Variants in FBXL17 observed in about 807,000 individuals in gnomAD.
FBXL17 encodes F-box and leucine rich repeat protein 17, also known as F-box/LRR-repeat protein 17.
Under a neutral mutation model 66.2 loss-of-function variants are expected in FBXL17, and 22 were observed. That is an observed-to-expected ratio of 0.33 (90% CI 0.24 to 0.47). FBXL17 has a LOEUF of 0.47. FBXL17 is among the 20% of genes least tolerant of loss of function. The pLI is 1.00. For missense variants in FBXL17, 878 were observed against 948.2 expected (o/e 0.93, Z 0.97); for synonymous variants, 474 against 400.5 (o/e 1.18, Z -2.19).
intron 7 of FBXL17, among the ~76,000 whole-genome samples, chr5:107,961,417 A>G (rs1221332489): frequency 6.6e-6 from 1 of 151,946 alleles, no homozygotes; most frequent in African/African-American, 2.4e-5. Context: ...TGGTAGGGAC[A>G]GGGTTTCGCC....
intron 3 of FBXL17, among the ~76,000 whole-genome samples, chr5:108,354,128 T>C (rs1387434830): frequency 1.3e-5 from 2 of 152,208 alleles, no homozygotes; most frequent in Non-Finnish European, 2.9e-5. Context: ...TTTTGGAACT[T>C]TGAATTAGGG....
At chr5:108,008,029 G>T (rs1173629938) in intron 7 of FBXL17, among the ~76,000 whole-genome samples, 2 of 152,182 alleles carry the variant, frequency 1.3e-5, no homozygotes, top group African/African-American at 4.8e-5. Flanking sequence ...GAACGTGACA[G>T]AAATGTGGGG....
intron 6 of FBXL17, among the ~76,000 whole-genome samples, chr5:108,067,759 T>C (rs1298401689): frequency 6.6e-6 from 1 of 152,246 alleles, no homozygotes; most frequent in South Asian, 2.1e-4. Context: ...TTCCCTATTG[T>C]ACTGTGCATA....
At chr5:107,946,346 G>A (rs1161872393) in intron 7 of FBXL17, among the ~76,000 whole-genome samples, 2 of 128,512 alleles carry the variant, frequency 1.6e-5, no homozygotes, top group South Asian at 2.5e-4. Context: ...CCAGGCTGAA[G>A]TGCAGTGACA....
At chr5:108,170,319 G>A (rs184316234) in intron 6 of FBXL17, among the ~76,000 whole-genome samples, 39 of 152,202 alleles carry the variant, frequency 2.6e-4, no homozygotes, top group African/African-American at 7.0e-4. Flanking sequence ...AGGCAGGTCT[G>A]ATTAGTGTGT....
chr5:108,070,662 T>C (rs1003099775), intron 6 of FBXL17, among the ~76,000 whole-genome samples: 2 of 152,188 alleles, frequency 1.3e-5, no homozygotes, highest in African/African-American at 4.8e-5. Flanking sequence ...AACATAGATA[T>C]AAAGATATCC....
chr5:108,367,106 G>A (rs1452529015), intron 2 of FBXL17, among the ~76,000 whole-genome samples: 1 of 151,876 alleles, frequency 6.6e-6, no homozygotes, highest in Non-Finnish European at 1.5e-5. Context: ...AATACACCAT[G>A]GCAGAATTTA....
chr5:108,311,941 T>C (rs764789945), intron 4 of FBXL17, among the ~76,000 whole-genome samples: 1 of 152,186 alleles, frequency 6.6e-6, no homozygotes, highest in African/African-American at 2.4e-5. Context: ...CAAACTATTA[T>C]AGAAAACCTA....
intron 6 of FBXL17, among the ~76,000 whole-genome samples, chr5:108,138,797 C>G (rs1163551418): frequency 1.3e-5 from 2 of 152,022 alleles, no homozygotes; most frequent in African/African-American, 2.4e-5. Context: ...TAAAAAGAAC[C>G]ATGAAATTCT....
intron 3 of FBXL17, among the ~76,000 whole-genome samples, chr5:108,354,710 T>G (rs564554177): frequency 5.9e-4 from 84 of 141,616 alleles, no homozygotes; most frequent in Non-Finnish European, 8.9e-4. Context: ...ATTTTCAAAC[T>G]GCAAAAAATC....
In FBXL17 at chr5:108,225,564, C is replaced by A. The variant is rs1018913243; in HGVS notation, c.1507-1336G>T. On this transcript the variant is annotated intron_variant, in intron 4 of 8. Coordinates refer to ENST00000542267, the MANE Select transcript of FBXL17 (RefSeq NM_001163315.3). ...CACACCAGATTGCCAAAAAGAGTGCCAGAAGTTAGGCAAGAGGCCTGGAAC... is the reference window on the plus strand; with the variant it reads ...CACACCAGATTGCCAAAAAGAGTGCAAGAAGTTAGGCAAGAGGCCTGGAAC... Among the ~76,000 whole-genome samples the A allele has an allele frequency of 2.0e-5, 3 of 152,244 alleles. No homozygotes were observed. The East Asian group carries it at 5.8e-4, about 29-fold the overall frequency.
chr5:107,868,784 T>G (rs10040850), intron 8 of FBXL17, among the ~76,000 whole-genome samples: 1 of 152,142 alleles, frequency 6.6e-6, no homozygotes, highest in South Asian at 2.1e-4. Flanking sequence ...CCAAATGAAG[T>G]GATATTTCAG....
At chr5:107,942,646 G>C (rs1037505210) in intron 7 of FBXL17, among the ~76,000 whole-genome samples, 1 of 151,946 alleles carries the variant, frequency 6.6e-6, no homozygotes, top group African/African-American at 2.4e-5. Context: ...CTTCACCTGT[G>C]CTTCCAGTGC....
chr5:108,054,331 T>A (rs1156690207), intron 6 of FBXL17, among the ~76,000 whole-genome samples: 3 of 151,934 alleles, frequency 2.0e-5, no homozygotes, highest in East Asian at 3.9e-4. Context: ...CAGTTATGGG[T>A]TTTTTTAGCA....
chr5:108,206,243 T>A (rs1031830795), intron 5 of FBXL17, among the ~76,000 whole-genome samples: 11 of 152,218 alleles, frequency 7.2e-5, no homozygotes, highest in Admixed American at 7.2e-4. Context: ...ATGTGTTTAC[T>A]TTTTTGTAAT....
chr5:108,081,796 G>C (rs117043900), intron 6 of FBXL17, among the ~76,000 whole-genome samples: 1 of 152,200 alleles, frequency 6.6e-6, no homozygotes, highest in East Asian at 1.9e-4. Flanking sequence ...TATTATTCAA[G>C]CTTTGCTTCA....
chr5:108,282,913 C>CAA (rs573589522), intron 4 of FBXL17, among the ~76,000 whole-genome samples: 5 of 123,510 alleles, frequency 4.0e-5, no homozygotes, highest in African/African-American at 8.7e-5. Context: ...ATAATAGCAA[C>CAA]AAAAAAAAAA....
At chr5:108,016,365 C>A (rs565031366) in intron 7 of FBXL17, among the ~76,000 whole-genome samples, 58 of 152,218 alleles carry the variant, frequency 3.8e-4, no homozygotes, top group African/African-American at 1.4e-3. Flanking sequence ...AACCTGTATG[C>A]CCCCAAACAA....
rs147683462 is a variant in FBXL17 at position 107,981,761 on chromosome 5, G to A, written c.1822+39164C>T. Among the ~76,000 whole-genome samples, 102 of 152,250 alleles carry A rather than the reference G, an allele frequency of 6.7e-4. 2 individuals carry two copies. In the Middle Eastern group the frequency reaches 0.02, roughly 30 times the overall value. On this transcript the variant is annotated intron_variant, in intron 7 of 8. Transcript: ENST00000542267. ...TTGATATTCTTGCCAGCATGCGGAG[G>A]GGAGAAAAACCAATGAACAAACACA...
Sources: gnomAD v4.1 joint callset for allele counts (sites outside exome capture counted in the v4.1 genomes callset) on GRCh38, gnomAD v4.1.1 for gene constraint, MANE v1.5 for transcripts, NCBI Gene and HGNC (gene_info 2026-07-23, HGNC 2026-07-21) for gene names.